Variants in PTK2B observed in about 807,000 individuals in gnomAD.
The protein encoded by PTK2B is protein tyrosine kinase 2 beta, also known as protein-tyrosine kinase 2-beta.
In PTK2B, 71 loss-of-function variants were observed where a neutral mutation model predicts 142.9. The ratio of observed to expected loss-of-function variants is 0.50; its 90% CI spans 0.41 to 0.61. The LOEUF is 0.61. Among genes scored for constraint, PTK2B ranks in the 20% least tolerant of loss-of-function variants. The pLI is 0.00. For synonymous variants in PTK2B, 519 were observed against 503.4 expected, an observed-to-expected ratio of 1.03 and a Z score of -0.42; for missense variants, 1,105 against 1,320.4, an observed-to-expected ratio of 0.84 and a Z score of 2.53.
upstream of PTK2B, chr8:27,323,263 A>T (rs1223804258): frequency 2.0e-5 from 3 of 152,418 alleles, no homozygotes; most frequent in East Asian, 5.8e-4. Context: ...GTTGACATTC[A>T]CAGGGAGGGC....
chr8:27,334,517 T>C (rs1357729496), intron 1 of PTK2B, among the ~76,000 whole-genome samples: 1 of 152,206 alleles, frequency 6.6e-6, no homozygotes, highest in African/African-American at 2.4e-5. Flanking sequence ...CATGGCAGCT[T>C]CTGGGCTTCT....
intron 1 of PTK2B, among the ~76,000 whole-genome samples, chr8:27,353,430 C>T (rs1027436040): frequency 1.3e-5 from 2 of 152,172 alleles, no homozygotes; most frequent in African/African-American, 4.8e-5. Flanking sequence ...AAATTTTCTC[C>T]TCCTTGTCCT....
intron 1 of PTK2B, among the ~76,000 whole-genome samples, chr8:27,357,862 A>G (rs2130695140): frequency 6.6e-6 from 1 of 152,276 alleles, no homozygotes; most frequent in African/African-American, 2.4e-5. Context: ...TGGAGTGAAA[A>G]TATGGTCCCT....
intron 1 of PTK2B, among the ~76,000 whole-genome samples, chr8:27,370,455 G>A (rs1385890418): frequency 3.9e-5 from 6 of 152,192 alleles, no homozygotes; most frequent in African/African-American, 1.4e-4. Context: ...GAAGGCCCAG[G>A]CATATCACTC....
intron 30 of PTK2B, among the ~76,000 whole-genome samples, chr8:27,455,163 A>T (rs1055841624): frequency 3.3e-5 from 5 of 152,066 alleles, no homozygotes; most frequent in Middle Eastern, 3.2e-3. Context: ...TGCAAATGTG[A>T]TAAAGTTAAG....
At chr8:27,445,759 C>T (rs1486982586) in intron 23 of PTK2B, 35 bp from the exon 24 acceptor site, 2 of 1,611,228 alleles carry the variant, frequency 1.2e-6, no homozygotes, top group African/African-American at 1.3e-5. Context: ...CTCGCTTTGT[C>T]CCGTGCCTTG....
At chr8:27,439,582 C>T (rs1811026780) in intron 20 of PTK2B, among the ~76,000 whole-genome samples, 184 bp downstream of exon 20, 2 of 151,966 alleles carry the variant, frequency 1.3e-5, no homozygotes. Context: ...GGGGAGTGAC[C>T]CAGGCTAAGG....
Position 27,419,817 on chromosome 8 carries a change from C to T in PTK2B, c.205-78C>T, listed in dbSNP as rs1809630451. ...CAGAATCCCACCCTAGAGAATCCCA[C>T]TTTTCAGGTCTGTGTGAGAATTATG... On this transcript the variant is annotated intron_variant, in intron 2 of 30. Coordinates refer to ENST00000346049, the MANE Select transcript of PTK2B (RefSeq NM_173176.3). 2.0e-6 allele frequency: 3 copies of T among 1,490,742 alleles called. No individual in the cohort carries two copies. In the East Asian group the frequency reaches 7.0e-5, roughly 35 times the overall value. The allele number at this position is 1,490,742 out of a possible 1,614,324, so 92.3% of individuals were successfully genotyped here. A position where few individuals can be genotyped will look rare whatever the true frequency, so the allele number is the denominator to read the frequency against.
At chr8:27,421,801 C>T (rs950958389) in intron 4 of PTK2B, among the ~76,000 whole-genome samples, 8 of 152,230 alleles carry the variant, frequency 5.3e-5, no homozygotes, top group South Asian at 2.1e-4. Flanking sequence ...GGACAGAATG[C>T]GTATGGAGTG....
At chr8:27,382,913 T>C (rs1426869286) in intron 1 of PTK2B, among the ~76,000 whole-genome samples, 1 of 152,204 alleles carries the variant, frequency 6.6e-6, no homozygotes, top group Non-Finnish European at 1.5e-5. Flanking sequence ...TTTGTCTGTG[T>C]GTCTGTTTTT....
intron 1 of PTK2B, among the ~76,000 whole-genome samples, chr8:27,360,401 C>T (rs1805629384): frequency 6.6e-6 from 1 of 152,332 alleles, no homozygotes; most frequent in Non-Finnish European, 1.5e-5. Context: ...ACGGCTGATG[C>T]TCAGAGGAGG....
chr8:27,343,666 C>T (rs529771360), intron 1 of PTK2B, among the ~76,000 whole-genome samples: 5 of 152,354 alleles, frequency 3.3e-5, no homozygotes, highest in Non-Finnish European at 7.3e-5. Context: ...TATTCATTCA[C>T]TGTTACCATG....
At chr8:27,432,224 T>C in intron 9 of PTK2B, 36 bp from the exon 10 acceptor site, 10 of 1,597,988 alleles carry the variant, frequency 6.3e-6, no homozygotes, top group East Asian at 2.2e-5. Flanking sequence ...GTCCTGGTAG[T>C]GGGATGGTCT....
At chr8:27,408,361 G>A (rs114459032) in intron 2 of PTK2B, among the ~76,000 whole-genome samples, 1 of 152,358 alleles carries the variant, frequency 6.6e-6, no homozygotes, top group African/African-American at 2.4e-5. Flanking sequence ...ACACTGCTCA[G>A]AGAGGCCCAG....
At chr8:27,352,923 C>T (rs910539671) in intron 1 of PTK2B, among the ~76,000 whole-genome samples, 1 of 152,138 alleles carries the variant, frequency 6.6e-6, no homozygotes, top group Non-Finnish European at 1.5e-5. Context: ...TGGACTAATA[C>T]ATTATTATTC....
intron 17 of PTK2B, 117 bp downstream of exon 17, chr8:27,437,613 T>C: frequency 8.3e-7 from 1 of 1,204,820 alleles, no homozygotes; most frequent in Non-Finnish European, 1.2e-6. Flanking sequence ...CCAGAGGCCC[T>C]GTTTGTCAAG....
chr8:27,413,461 G>T (rs556443115), intron 2 of PTK2B, among the ~76,000 whole-genome samples: 3 of 152,154 alleles, frequency 2.0e-5, no homozygotes, highest in Non-Finnish European at 4.4e-5. Flanking sequence ...CCTCCAATCT[G>T]GGAGAGTTCC....
chr8:27,444,345 T>A (rs1478742339), intron 23 of PTK2B, 74 bp downstream of exon 23: 1 of 1,519,496 alleles, frequency 6.6e-7, no homozygotes, highest in East Asian at 2.3e-5. Context: ...TTCTTGTGCC[T>A]TAGAGGAGCA....
upstream of PTK2B, among the ~76,000 whole-genome samples, chr8:27,322,141 C>T (rs1447707672): frequency 6.6e-6 from 1 of 152,170 alleles, no homozygotes; most frequent in Non-Finnish European, 1.5e-5. Flanking sequence ...CAGGCATACA[C>T]CACTATGCCC....
Sources: allele counts gnomAD v4.1 joint callset (sites outside exome capture counted in the v4.1 genomes callset), GRCh38; gene constraint gnomAD v4.1.1; transcripts MANE v1.5; gene names NCBI Gene and HGNC (gene_info 2026-07-23, HGNC 2026-07-21).